The following LPAR6 variants were observed in gnomAD, a reference collection of about 807,000 sequenced individuals.
The protein encoded by LPAR6 is G-protein coupled purinergic receptor P2Y5.
A neutral mutation model predicts 22.0 loss-of-function variants in LPAR6; 17 were observed. The observed-to-expected ratio is 0.77, with a 90% CI of 0.53 to 1.16. The LOEUF is 1.16. LPAR6 is among the 50% of genes most tolerant of loss of function. LPAR6 has a pLI of 0.00. For synonymous variants in LPAR6, 136 were observed against 139.8 expected, an observed-to-expected ratio of 0.97 and a Z score of 0.19; for missense variants, 384 against 406.9, an observed-to-expected ratio of 0.94 and a Z score of 0.48.
chr13:48,396,883 CAT>C (rs1227023235), intron 1 of LPAR6, among the ~76,000 whole-genome samples: 4 of 152,016 alleles, frequency 2.6e-5, no homozygotes, highest in African/African-American at 4.8e-5. Context: ...GGCCAACAAA[CAT>C]ATGAAAAAAA....
intron 1 of LPAR6, among the ~76,000 whole-genome samples, chr13:48,439,329 A>G (rs1159634223): frequency 1.3e-5 from 2 of 152,232 alleles, no homozygotes; most frequent in Non-Finnish European, 2.9e-5. Context: ...ATTAACTAGT[A>G]CTATTATTAA....
chr13:48,434,249 A>C (rs1241187949), intron 1 of LPAR6, among the ~76,000 whole-genome samples: 1 of 151,880 alleles, frequency 6.6e-6, no homozygotes, highest in Non-Finnish European at 1.5e-5. Flanking sequence ...TAGTTTGAGA[A>C]CGGCCTGGAC....
At chr13:48,403,099 A>G (rs984098063) in intron 1 of LPAR6, among the ~76,000 whole-genome samples, 7 of 152,180 alleles carry the variant, frequency 4.6e-5, no homozygotes, top group African/African-American at 1.7e-4. Flanking sequence ...AGAAAATTAA[A>G]TTGAAGGTTA....
chr13:48,417,916 G>A (rs901660561), upstream of LPAR6, among the ~76,000 whole-genome samples: 25 of 152,308 alleles, frequency 1.6e-4, no homozygotes, highest in African/African-American at 5.1e-4. Flanking sequence ...CCCTGTACCT[G>A]AAAGTGACAG....
intron 1 of LPAR6, among the ~76,000 whole-genome samples, chr13:48,434,029 A>G (rs899115954): frequency 1.3e-5 from 2 of 151,992 alleles, no homozygotes; most frequent in African/African-American, 2.4e-5. Flanking sequence ...TGGCCTCAAT[A>G]TTTATTTAAA....
chr13:48,441,218 C>T (rs899713968), intron 1 of LPAR6, among the ~76,000 whole-genome samples: 2 of 152,284 alleles, frequency 1.3e-5, no homozygotes, highest in Admixed American at 6.5e-5. Flanking sequence ...TTACCATGTC[C>T]TCAGATGGTG....
chr13:48,404,969 A>C (rs969989242), intron 1 of LPAR6, among the ~76,000 whole-genome samples: 9 of 152,224 alleles, frequency 5.9e-5, no homozygotes, highest in African/African-American at 9.6e-5. Context: ...AATTTGTCAA[A>C]TATGACAGCA....
At chr13:48,397,927 C>T (rs1443446580) in intron 1 of LPAR6, among the ~76,000 whole-genome samples, 2 of 152,118 alleles carry the variant, frequency 1.3e-5, no homozygotes, top group Non-Finnish European at 2.9e-5. Context: ...CTTTGGTGTA[C>T]TTTGCAGAAG....
upstream of LPAR6, among the ~76,000 whole-genome samples, chr13:48,414,342 CAAAA>C (rs199626771): frequency 2.1e-5 from 2 of 93,116 alleles, no homozygotes; most frequent in Admixed American, 1.2e-4. Flanking sequence ...GAGACTATCT[CAAAA>C]AAAAAAAAAA....
At chr13:48,399,742 G>T (rs1355857822) in intron 1 of LPAR6, among the ~76,000 whole-genome samples, 1 of 151,914 alleles carries the variant, frequency 6.6e-6, no homozygotes, top group East Asian at 1.9e-4. Context: ...ATCTGTTTAT[G>T]ATTTTAAACA....
chr13:48,398,301 A>C (rs938911644), intron 1 of LPAR6, among the ~76,000 whole-genome samples: 1 of 152,122 alleles, frequency 6.6e-6, no homozygotes, highest in African/African-American at 2.4e-5. Context: ...TATATTCCTA[A>C]TATAGCTTTG....
At chr13:48,406,011 A>G (rs1948736622) in intron 1 of LPAR6, among the ~76,000 whole-genome samples, 1 of 152,088 alleles carries the variant, frequency 6.6e-6, no homozygotes, top group Non-Finnish European at 1.5e-5. Flanking sequence ...TATATATACT[A>G]CAGTCTGTTC....
chr13:48,391,574 G>A (rs1755717991), intron 1 of LPAR6: 1 of 152,060 alleles, frequency 6.6e-6, no homozygotes, highest in Non-Finnish European at 1.5e-5. Flanking sequence ...AGGCAACAAA[G>A]CAAAACTCTG....
rs145691713 is a variant in LPAR6 at position 48,423,206 on chromosome 13, A to G, written c.-1094-416T>C. 2.9e-3 allele frequency among the ~76,000 whole-genome samples: 438 copies of G among 152,324 alleles called. 2 individuals carry two copies. The highest frequency in any genetic ancestry group is 9.5e-3 in the African/African-American group (393 of 41,576). On this transcript the variant is annotated intron_variant, in intron 1 of 4. Transcript: ENST00000345941. ...GTAATGCATCGGTTTTTAAAATTTAATGACATCTGATTCTGATTCTTTGAA... is the reference window on the plus strand; with the variant it reads ...GTAATGCATCGGTTTTTAAAATTTAGTGACATCTGATTCTGATTCTTTGAA...
intron 2 of LPAR6, among the ~76,000 whole-genome samples, chr13:48,419,337 A>G (rs545450163): frequency 7.5e-4 from 114 of 152,326 alleles, no homozygotes; most frequent in African/African-American, 2.5e-3. Context: ...TTTGAAACCA[A>G]TGAGAACCAA....
At chr13:48,432,234 T>TA (rs945813095) in intron 1 of LPAR6, among the ~76,000 whole-genome samples, 1 of 152,068 alleles carries the variant, frequency 6.6e-6, no homozygotes, top group African/African-American at 2.4e-5. Flanking sequence ...TCAACATCTT[T>TA]AAAAGGCCTT....
At chr13:48,420,809 A>G (rs1050883528) in intron 2 of LPAR6, among the ~76,000 whole-genome samples, 1 of 152,178 alleles carries the variant, frequency 6.6e-6, no homozygotes, top group African/African-American at 2.4e-5. Context: ...AGAATAAAAT[A>G]CCTAGGCATA....
chr13:48,424,110 A>G (rs1175625529), intron 1 of LPAR6: 1 of 152,658 alleles, frequency 6.6e-6, no homozygotes, highest in Non-Finnish European at 1.5e-5. Context: ...GCTCATTATG[A>G]TAAAATTTTC....
intron 2 of LPAR6, among the ~76,000 whole-genome samples, chr13:48,419,281 T>C (rs200635876): frequency 3.9e-5 from 6 of 152,166 alleles, no homozygotes; most frequent in African/African-American, 1.4e-4. Context: ...TGTTCCTGAA[T>C]GAATACTGGG....
Sources: allele counts gnomAD v4.1 joint callset (sites outside exome capture counted in the v4.1 genomes callset), GRCh38; gene constraint gnomAD v4.1.1; transcripts MANE v1.5; gene names NCBI Gene and HGNC (gene_info 2026-07-23, HGNC 2026-07-21).